Variants in ROR2 observed in about 807,000 individuals in gnomAD.
ROR2 encodes tyrosine-protein kinase transmembrane receptor ROR2.
Under a neutral mutation model 74.9 loss-of-function variants are expected in ROR2, and 33 were observed. The observed-to-expected ratio is 0.44, with a 90% CI of 0.33 to 0.59. ROR2 has a LOEUF of 0.59. Among genes scored for constraint, ROR2 ranks in the 20% least tolerant of loss-of-function variants. The pLI is 0.02. For synonymous variants in ROR2, 586 were observed against 558.7 expected (o/e 1.05, Z -0.69); for missense variants, 1,216 against 1,313.8 (o/e 0.93, Z 1.15).
intron 4 of ROR2, among the ~76,000 whole-genome samples, chr9:91,753,452 GA>G (rs1427513584): frequency 3.9e-5 from 6 of 152,196 alleles, no homozygotes; most frequent in Non-Finnish European, 7.3e-5. Context: ...TCATCTTATG[GA>G]AGATAAGGAG....
chr9:91,769,062 C>T (rs758835251), intron 2 of ROR2, among the ~76,000 whole-genome samples: 17 of 152,078 alleles, frequency 1.1e-4, no homozygotes, highest in Non-Finnish European at 2.1e-4. Context: ...GGCTGTGGGC[C>T]GGGCGGAGGC....
intron 2 of ROR2, among the ~76,000 whole-genome samples, chr9:91,765,183 C>T (rs1446243753): frequency 6.6e-6 from 1 of 152,144 alleles, no homozygotes; most frequent in East Asian, 1.9e-4. Context: ...TGTGCTCTCT[C>T]CCTATTTTTA....
chr9:91,757,133 A>C, intron 3 of ROR2, 139 bp downstream of exon 3: 1 of 1,078,444 alleles, frequency 9.3e-7, no homozygotes, highest in Non-Finnish European at 1.4e-6. Context: ...CACATGGGGA[A>C]GGCCCTAGGG....
At chr9:91,914,719 A>G (rs1472447765) in intron 1 of ROR2, among the ~76,000 whole-genome samples, 1 of 152,110 alleles carries the variant, frequency 6.6e-6, no homozygotes, top group African/African-American at 2.4e-5. Context: ...ACAGACAACC[A>G]ATCACTGACA....
chr9:91,869,531 A>G (rs116165592), intron 1 of ROR2, among the ~76,000 whole-genome samples: 232 of 152,320 alleles, frequency 1.5e-3, no homozygotes, highest in African/African-American at 5.4e-3. Context: ...GTGAATGGCA[A>G]AGGTATTATG....
intron 1 of ROR2, among the ~76,000 whole-genome samples, chr9:91,801,335 T>A (rs1446407871): frequency 6.6e-5 from 10 of 151,650 alleles, no homozygotes; most frequent in South Asian, 4.1e-4. Flanking sequence ...CACGCTTTTT[T>A]ATTTTATTTT....
At chr9:91,910,288 G>A (rs1434982258) in intron 1 of ROR2, among the ~76,000 whole-genome samples, 3 of 152,334 alleles carry the variant, frequency 2.0e-5, no homozygotes, top group Admixed American at 2.0e-4. Flanking sequence ...ATGACTGTGT[G>A]CTGAAGGCAA....
At chr9:91,830,239 T>A (rs1001285611) in intron 1 of ROR2, among the ~76,000 whole-genome samples, 2 of 152,158 alleles carry the variant, frequency 1.3e-5, no homozygotes, top group Non-Finnish European at 2.9e-5. Context: ...GCAAGGCAGG[T>A]GGATCGCCTG....
chr9:91,916,379 A>T (rs1025198006), intron 1 of ROR2, among the ~76,000 whole-genome samples: 1 of 152,140 alleles, frequency 6.6e-6, no homozygotes, highest in African/African-American at 2.4e-5. Context: ...CTCGCCAAGC[A>T]TTTTGCCTAT....
At chr9:91,937,023 C>G (rs1831715260) in intron 1 of ROR2, among the ~76,000 whole-genome samples, 1 of 52,816 alleles carries the variant, frequency 1.9e-5, no homozygotes, top group South Asian at 5.8e-4. Context: ...GAGCGAGACT[C>G]CGTCTCAAAA....
At chr9:91,750,928 T>C in intron 4 of ROR2, among the ~76,000 whole-genome samples, 1 of 152,252 alleles carries the variant, frequency 6.6e-6, no homozygotes, top group East Asian at 1.9e-4. Context: ...AAATTACTAT[T>C]TGACACCTAA....
intron 1 of ROR2, among the ~76,000 whole-genome samples, chr9:91,873,867 T>C (rs1311362229): frequency 1.3e-5 from 2 of 152,218 alleles, no homozygotes; most frequent in African/African-American, 4.8e-5. Context: ...TTTCCTCCCC[T>C]GAATATTCAG....
intron 1 of ROR2, among the ~76,000 whole-genome samples, chr9:91,838,257 C>T (rs1327248516): frequency 6.6e-6 from 1 of 152,166 alleles, no homozygotes; most frequent in Non-Finnish European, 1.5e-5. Context: ...GCAAATTAAA[C>T]CAGGCACCAC....
intron 1 of ROR2, among the ~76,000 whole-genome samples, chr9:91,801,163 T>C (rs148568255): frequency 2.0e-5 from 3 of 152,268 alleles, no homozygotes; most frequent in African/African-American, 4.8e-5. Context: ...TTCTCCATAA[T>C]TAACCACCCT....
intron 7 of ROR2, among the ~76,000 whole-genome samples, chr9:91,729,089 T>TAAAAAAA (rs5899140): frequency 6.9e-6 from 1 of 144,722 alleles, no homozygotes. Context: ...CTACTCACTG[T>TAAAAAAA]AAAAAAAAAA....
intron 1 of ROR2, among the ~76,000 whole-genome samples, chr9:91,883,966 G>A (rs1204818814): frequency 2.0e-5 from 3 of 152,094 alleles, no homozygotes; most frequent in Non-Finnish European, 2.9e-5. Context: ...GCAGTGCCAT[G>A]TTATGGCCAT....
intron 1 of ROR2, among the ~76,000 whole-genome samples, chr9:91,852,255 CTAAA>C (rs1341111595): frequency 1.4e-5 from 2 of 143,562 alleles, no homozygotes; most frequent in African/African-American, 5.7e-5. Context: ...CTTGCATTTT[CTAAA>C]TAGACAACTG....
At chr9:91,934,384 G>A (rs1831628782) in intron 1 of ROR2, among the ~76,000 whole-genome samples, 1 of 152,176 alleles carries the variant, frequency 6.6e-6, no homozygotes, top group Admixed American at 6.5e-5. Context: ...ACGTAGCATT[G>A]TTTAAATACT....
chr9:91,801,944 A>AT (rs1366073725), intron 1 of ROR2, among the ~76,000 whole-genome samples: 10 of 152,038 alleles, frequency 6.6e-5, no homozygotes, highest in Admixed American at 5.9e-4. Flanking sequence ...GTCTGGGCAG[A>AT]TGGGGCCATG....
Sources: allele counts gnomAD v4.1 joint callset (sites outside exome capture counted in the v4.1 genomes callset), GRCh38; gene constraint gnomAD v4.1.1; transcripts MANE v1.5; gene names NCBI Gene and HGNC (gene_info 2026-07-23, HGNC 2026-07-21).